IL1RAPL1: variants seen among roughly 807,000 people sequenced by gnomAD.
The protein encoded by IL1RAPL1 is interleukin-1 receptor accessory protein-like 1.
Under a neutral mutation model 48.4 loss-of-function variants are expected in IL1RAPL1, and 3 were observed. That is an observed-to-expected ratio of 0.06 (90% CI 0.03 to 0.16). The LOEUF is 0.16. Ranked by LOEUF, IL1RAPL1 falls within the 10% of genes least tolerant of loss-of-function variation. The pLI, the probability that IL1RAPL1 is intolerant of heterozygous loss-of-function variation, is 1.00. For synonymous variants in IL1RAPL1, 185 were observed against 187.7 expected, an observed-to-expected ratio of 0.99 and a Z score of 0.12; for missense variants, 349 against 530.6, an observed-to-expected ratio of 0.66 and a Z score of 3.36.
intron 2 of IL1RAPL1, among the ~76,000 whole-genome samples, chrX:28,947,553 TG>T (rs1924338893): frequency 9.1e-6 from 1 of 109,677 alleles, no homozygotes; most frequent in African/African-American, 3.3e-5. Flanking sequence ...GGGCCTGTCG[TG>T]GGGTGGGAGG....
intron 6 of IL1RAPL1, among the ~76,000 whole-genome samples, chrX:29,703,313 A>C (rs1265519821): frequency 9.0e-6 from 1 of 110,672 alleles, no homozygotes; most frequent in East Asian, 2.8e-4. Flanking sequence ...CATGGAATAT[A>C]TATTTTATTT....
chrX:29,884,795 G>A (rs1315797069), intron 6 of IL1RAPL1, among the ~76,000 whole-genome samples: 2 of 111,426 alleles, frequency 1.8e-5, no homozygotes, highest in South Asian at 3.8e-4. Context: ...CAGTTGCTGA[G>A]GCCAGAATCT....
chrX:29,580,691 A>G (rs751602448), intron 5 of IL1RAPL1, among the ~76,000 whole-genome samples: 70 of 111,827 alleles, frequency 6.3e-4, no homozygotes, highest in African/African-American at 2.2e-3. Flanking sequence ...CTTTAAACCC[A>G]TCATAGGTTT....
intron 6 of IL1RAPL1, among the ~76,000 whole-genome samples, chrX:29,815,667 A>G (rs957779793): frequency 1.8e-5 from 2 of 110,564 alleles, no homozygotes; most frequent in Non-Finnish European, 3.8e-5. Context: ...TGTTCTTAGG[A>G]TATATGCTTC....
At chrX:29,741,741 C>T (rs1328071984) in intron 6 of IL1RAPL1, among the ~76,000 whole-genome samples, 8 of 107,363 alleles carry the variant, frequency 7.5e-5, no homozygotes, top group South Asian at 4.2e-4. Flanking sequence ...GCCAACGTGG[C>T]GAAATCTCGT....
At chrX:29,894,772 A>C (rs1325522266) in intron 6 of IL1RAPL1, among the ~76,000 whole-genome samples, 1 of 109,691 alleles carries the variant, frequency 9.1e-6, no homozygotes, top group Admixed American at 9.6e-5. Context: ...AAAATTGTAC[A>C]CACAAAAAAT....
chrX:28,712,649 G>A (rs1935454614), intron 1 of IL1RAPL1, among the ~76,000 whole-genome samples: 2 of 110,962 alleles, frequency 1.8e-5, no homozygotes, highest in African/African-American at 6.6e-5. Context: ...TATTAATCCA[G>A]TAGCGATGTA....
At chrX:29,377,872 T>TC (rs1389608250) in intron 3 of IL1RAPL1, among the ~76,000 whole-genome samples, 1 of 111,015 alleles carries the variant, frequency 9.0e-6, no homozygotes, top group East Asian at 2.8e-4. Flanking sequence ...TAGCTGGAGT[T>TC]CCTTGTATTT....
intron 6 of IL1RAPL1, among the ~76,000 whole-genome samples, chrX:29,808,067 A>G (rs1270270286): frequency 8.9e-6 from 1 of 111,950 alleles, no homozygotes; most frequent in Non-Finnish European, 1.9e-5. Flanking sequence ...AGCTATAGGG[A>G]ATCTTAGGTT....
chrX:28,774,673 G>A (rs1478086309), intron 1 of IL1RAPL1, among the ~76,000 whole-genome samples: 1 of 111,543 alleles, frequency 9.0e-6, no homozygotes, highest in African/African-American at 3.3e-5. Flanking sequence ...CATCACTCTG[G>A]CCTTATTACC....
At chrX:28,989,592 C>G (rs763295576) in intron 2 of IL1RAPL1, among the ~76,000 whole-genome samples, 3 of 112,162 alleles carry the variant, frequency 2.7e-5, no homozygotes, top group East Asian at 5.6e-4. Context: ...CAATGAAATT[C>G]CTACTGTAGA....
chrX:29,778,070 C>A (rs1929250412), intron 6 of IL1RAPL1, among the ~76,000 whole-genome samples: 1 of 110,154 alleles, frequency 9.1e-6, no homozygotes, highest in East Asian at 2.8e-4. Flanking sequence ...AATATATATT[C>A]TTTGGAAGAC....
chrX:29,583,939 C>A (rs1415701864), intron 5 of IL1RAPL1, among the ~76,000 whole-genome samples: 1 of 111,523 alleles, frequency 9.0e-6, no homozygotes, highest in Non-Finnish European at 1.9e-5. Flanking sequence ...TGTGCCATAT[C>A]ATTTGTCCTA....
intron 3 of IL1RAPL1, among the ~76,000 whole-genome samples, chrX:29,356,254 A>G (rs772208614): frequency 1.8e-5 from 2 of 110,770 alleles, no homozygotes; most frequent in Admixed American, 9.7e-5. Flanking sequence ...GTGTGTATCC[A>G]TATATGCCCT....
chrX:28,849,709 C>G (rs768575168), intron 2 of IL1RAPL1, among the ~76,000 whole-genome samples: 1 of 111,808 alleles, frequency 8.9e-6, no homozygotes, highest in South Asian at 3.7e-4. Context: ...AAATGGAACT[C>G]TCGTCTTATA....
At chrX:28,694,044 T>C (rs1935205338) in intron 1 of IL1RAPL1, among the ~76,000 whole-genome samples, 1 of 111,652 alleles carries the variant, frequency 9.0e-6, no homozygotes, top group South Asian at 3.8e-4. Flanking sequence ...GAACACGTGC[T>C]TTACCTTCCT....
At chrX:29,419,906 C>G (rs1192371608) in intron 5 of IL1RAPL1, among the ~76,000 whole-genome samples, 2 of 111,678 alleles carry the variant, frequency 1.8e-5, no homozygotes, top group Non-Finnish European at 1.9e-5. Flanking sequence ...GGAGCAGCTG[C>G]TCAGCCAGAA....
intron 2 of IL1RAPL1, among the ~76,000 whole-genome samples, chrX:29,095,473 TC>T (rs1928193779): frequency 8.9e-6 from 1 of 111,746 alleles, no homozygotes; most frequent in Non-Finnish European, 1.9e-5. Context: ...CACAAGATAT[TC>T]CCTAGGCTTC....
intron 1 of IL1RAPL1, among the ~76,000 whole-genome samples, chrX:28,712,879 A>G (rs1935456875): frequency 9.0e-6 from 1 of 111,211 alleles, no homozygotes; most frequent in South Asian, 3.8e-4. Flanking sequence ...ATAATTTCCC[A>G]CAAAATAATA....
Sources: gnomAD v4.1 joint callset for allele counts (sites outside exome capture counted in the v4.1 genomes callset) on GRCh38, gnomAD v4.1.1 for gene constraint, MANE v1.5 for transcripts, NCBI Gene and HGNC (gene_info 2026-07-23, HGNC 2026-07-21) for gene names.